KANTR: variants seen among roughly 807,000 people sequenced by gnomAD.
KANTR encodes the protein KDM5C adjacent transcript.
At chrX:53,102,591 T>C (rs1265800415) in intron 2 of KANTR, among the ~76,000 whole-genome samples, 1 of 112,328 alleles carries the variant, frequency 8.9e-6, no homozygotes, top group African/African-American at 3.2e-5. Flanking sequence ...TTGTTGACTT[T>C]GATTCCTTGT....
chrX:53,136,262 A>G (rs1556817602), intron 2 of KANTR, among the ~76,000 whole-genome samples: 2 of 111,233 alleles, frequency 1.8e-5, no homozygotes, highest in African/African-American at 6.5e-5. Context: ...TTTGAGACGG[A>G]GTCTTTGCTC....
intron 2 of KANTR, among the ~76,000 whole-genome samples, chrX:53,101,722 G>T (rs1159697054): frequency 1.8e-5 from 2 of 111,814 alleles, no homozygotes; most frequent in South Asian, 3.7e-4. Context: ...TCTAGGCGGG[G>T]TGCGGTAGCT....
At chrX:53,129,380 C>A (rs1228475064), downstream of KANTR, among the ~76,000 whole-genome samples, 3 of 110,274 alleles carry the variant, frequency 2.7e-5, no homozygotes, top group African/African-American at 9.9e-5. Flanking sequence ...TGAGCCACTG[C>A]GCCCAGCCTG....
exon 3 of KANTR, chrX:53,127,134 C>G (rs1850414525): frequency 8.9e-6 from 1 of 112,198 alleles, no homozygotes; most frequent in African/African-American, 3.2e-5. Flanking sequence ...ATGAGTTGCC[C>G]TAGTACTTCC....
chrX:53,116,532 T>C (rs1156383316), intron 2 of KANTR, among the ~76,000 whole-genome samples: 1 of 112,221 alleles, frequency 8.9e-6, no homozygotes, highest in African/African-American at 3.2e-5. Flanking sequence ...AGTGGTCAGA[T>C]TTCTCTGTTG....
downstream of KANTR, among the ~76,000 whole-genome samples, chrX:53,145,401 C>T (rs1230685294): frequency 8.9e-5 from 10 of 112,119 alleles, no homozygotes; most frequent in Admixed American, 6.6e-4. Flanking sequence ...GATTCTCGCT[C>T]ATTGCTAGCA....
At chrX:53,133,373 AAAAG>A (rs1337952807) in intron 2 of KANTR, among the ~76,000 whole-genome samples, 8 of 109,166 alleles carry the variant, frequency 7.3e-5, no homozygotes, top group African/African-American at 1.3e-4. Flanking sequence ...TCAAAAAAAA[AAAAG>A]AAAGAAAGGG....
At chrX:53,140,914 T>A (rs1276332770) in intron 2 of KANTR, among the ~76,000 whole-genome samples, 1 of 112,294 alleles carries the variant, frequency 8.9e-6, no homozygotes, top group African/African-American at 3.2e-5. Flanking sequence ...GTAATCCCAG[T>A]GCTTTGGGAG....
At chrX:53,130,409 G>T (rs1933346557), downstream of KANTR, among the ~76,000 whole-genome samples, 2 of 111,095 alleles carry the variant, frequency 1.8e-5, no homozygotes, top group South Asian at 7.6e-4. Flanking sequence ...AGACTGCCTG[G>T]ATTCAAATCC....
intron 2 of KANTR, among the ~76,000 whole-genome samples, chrX:53,120,393 G>A (rs782082843): frequency 9.0e-6 from 1 of 111,550 alleles, no homozygotes; most frequent in South Asian, 3.8e-4. Flanking sequence ...CTGTAAAAAT[G>A]TTGGAATTGC....
chrX:53,115,049 A>G (rs1479408049), intron 2 of KANTR, among the ~76,000 whole-genome samples: 2 of 111,833 alleles, frequency 1.8e-5, no homozygotes, highest in Non-Finnish European at 3.8e-5. Context: ...ATGGGGCTGC[A>G]GGGACCAGCC....
chrX:53,130,604 G>C, downstream of KANTR, among the ~76,000 whole-genome samples: 1 of 112,419 alleles, frequency 8.9e-6, no homozygotes, highest in Non-Finnish European at 1.9e-5. Context: ...ATTATTGAGG[G>C]TATTAAATGA....
At chrX:53,125,517 T>C (rs1435770547) in exon 3 of KANTR, 1 of 111,549 alleles carries the variant, frequency 9.0e-6, no homozygotes, top group African/African-American at 3.3e-5. Context: ...TGTTTTCTTA[T>C]TCAATTTTTT....
chrX:53,138,565 T>G (rs1247657676), intron 2 of KANTR, among the ~76,000 whole-genome samples: 1 of 107,077 alleles, frequency 9.3e-6, no homozygotes. Flanking sequence ...ATTAGCTGGG[T>G]GTGGTGGCGC....
chrX:53,096,615 C>T (rs1047655041), intron 1 of KANTR, among the ~76,000 whole-genome samples: 4 of 111,417 alleles, frequency 3.6e-5, no homozygotes, highest in African/African-American at 1.3e-4. Flanking sequence ...CGCTTGAGTC[C>T]AGGAGTTCGA....
intron 2 of KANTR, among the ~76,000 whole-genome samples, chrX:53,102,489 G>A (rs1264030925): frequency 2.7e-5 from 3 of 112,079 alleles, no homozygotes; most frequent in East Asian, 2.8e-4. Flanking sequence ...TTCAAGTTAT[G>A]TAATTTTGGT....
At chrX:53,117,304 T>C (rs1661573926) in intron 2 of KANTR, among the ~76,000 whole-genome samples, 1 of 110,172 alleles carries the variant, frequency 9.1e-6, no homozygotes, top group Non-Finnish European at 1.9e-5. Flanking sequence ...AAAAAAACAA[T>C]ATATACATTA....
intron 2 of KANTR, among the ~76,000 whole-genome samples, chrX:53,135,928 C>T (rs1933414573): frequency 8.9e-6 from 1 of 112,186 alleles, no homozygotes; most frequent in Non-Finnish European, 1.9e-5. Context: ...TCAATGTCCT[C>T]CTCAAACTGG....
At chrX:53,111,648 T>C (rs1458545239) in intron 2 of KANTR, among the ~76,000 whole-genome samples, 1 of 111,788 alleles carries the variant, frequency 8.9e-6, no homozygotes, top group Non-Finnish European at 1.9e-5. Context: ...CATTCTTTTC[T>C]TGCAGCTTGA....
Sources: allele counts gnomAD v4.1 joint callset (sites outside exome capture counted in the v4.1 genomes callset), GRCh38; gene constraint gnomAD v4.1.1; transcripts MANE v1.5; gene names NCBI Gene and HGNC (gene_info 2026-07-23, HGNC 2026-07-21).